DACH2: variants seen among roughly 807,000 people sequenced by gnomAD.
DACH2 encodes the protein dachshund homolog 2.
In DACH2, 17 loss-of-function variants were observed where a neutral mutation model predicts 35.8. The ratio of observed to expected loss-of-function variants is 0.48; its 90% CI spans 0.33 to 0.71. The LOEUF is 0.71. Among genes scored for constraint, DACH2 ranks in the 30% least tolerant of loss-of-function variants. The pLI is 0.02. For missense variants in DACH2, 469 were observed against 472.7 expected (o/e 0.99, Z 0.07); for synonymous variants, 195 against 177.3 (o/e 1.10, Z -0.79).
At chrX:86,388,474 C>T (rs971636505) in intron 2 of DACH2, among the ~76,000 whole-genome samples, 6 of 111,412 alleles carry the variant, frequency 5.4e-5, no homozygotes, top group South Asian at 3.8e-4. Flanking sequence ...GTATTCTGTA[C>T]GTATTCCCAG....
chrX:86,599,295 T>A (rs1453589241), intron 3 of DACH2, among the ~76,000 whole-genome samples: 1 of 111,073 alleles, frequency 9.0e-6, no homozygotes, highest in Non-Finnish European at 1.9e-5. Flanking sequence ...TCTCTCAGAA[T>A]GAAAAAAGAA....
chrX:86,667,374 GAGGA>G (rs199702492), intron 4 of DACH2, among the ~76,000 whole-genome samples: 135 of 80,069 alleles, frequency 1.7e-3, no homozygotes, highest in African/African-American at 5.8e-3. Flanking sequence ...GGAAGGGAGG[GAGGA>G]AGGAAGGAAG....
intron 3 of DACH2, among the ~76,000 whole-genome samples, chrX:86,591,541 A>AT (rs566345938): frequency 0.024 from 2,213 of 93,165 alleles, 54 homozygotes; most frequent in African/African-American, 0.052. Context: ...TTCTTTGGCT[A>AT]TTTTTTTTTT....
intron 2 of DACH2, among the ~76,000 whole-genome samples, chrX:86,473,032 T>G (rs956589031): frequency 4.5e-5 from 5 of 111,639 alleles, no homozygotes; most frequent in African/African-American, 1.6e-4. Flanking sequence ...TTAACTTCTG[T>G]GGGTACATAG....
chrX:86,798,281 T>C (rs2042258553), intron 7 of DACH2, among the ~76,000 whole-genome samples: 1 of 111,885 alleles, frequency 8.9e-6, no homozygotes, highest in Non-Finnish European at 1.9e-5. Context: ...CAAAACACAG[T>C]TGACAACCAC....
intron 7 of DACH2, chrX:86,742,756 A>G (rs988696223): frequency 7.4e-6 from 2 of 269,891 alleles, no homozygotes; most frequent in African/African-American, 5.6e-5. Context: ...TTTGATACAC[A>G]TATAATAATC....
chrX:86,624,332 T>A (rs189749480), intron 3 of DACH2, among the ~76,000 whole-genome samples: 19 of 111,925 alleles, frequency 1.7e-4, no homozygotes, highest in African/African-American at 6.2e-4. Flanking sequence ...ATTGCTTTTT[T>A]AAAAAATGTG....
intron 1 of DACH2, among the ~76,000 whole-genome samples, chrX:86,222,871 C>G (rs1374643329): frequency 9.1e-6 from 1 of 110,430 alleles, no homozygotes; most frequent in Non-Finnish European, 1.9e-5. Context: ...TTACCTCACC[C>G]TCATATAAAG....
At position 86,433,250 on chromosome X, in the gene DACH2, G is replaced by A. The variant is rs146678837; in HGVS notation, c.527+56388G>A. On this transcript the variant is annotated intron_variant, in intron 2 of 11. Coordinates refer to ENST00000373125, the MANE Select transcript of DACH2 (RefSeq NM_053281.3). ...AAATAAAATTGGGAGAAGAAATAAC[G>A]TCAACCCTCATCAATGAAATTATAG... Among the ~76,000 whole-genome samples the A allele has an allele frequency of 4.1e-3, 463 of 111,904 alleles. 3 individuals are homozygous for A. Among genetic ancestry groups the A allele is most frequent in the South Asian group, 0.011 (31 of 2,699 alleles).
chrX:86,239,381 G>A (rs1330194470), intron 1 of DACH2, among the ~76,000 whole-genome samples: 1 of 110,962 alleles, frequency 9.0e-6, no homozygotes, highest in Non-Finnish European at 1.9e-5. Flanking sequence ...ACCTGCCAAG[G>A]GACAATATGT....
At chrX:86,647,672 T>C (rs2040431470) in intron 3 of DACH2, among the ~76,000 whole-genome samples, 1 of 110,713 alleles carries the variant, frequency 9.0e-6, no homozygotes, top group South Asian at 3.8e-4. Context: ...GTAGGTCTTA[T>C]GTTACATGTT....
chrX:86,573,658 G>A (rs2039401139), intron 3 of DACH2, among the ~76,000 whole-genome samples: 1 of 111,431 alleles, frequency 9.0e-6, no homozygotes, highest in Non-Finnish European at 1.9e-5. Context: ...TTCCTCCATA[G>A]GTTTTATTGT....
In DACH2 at chrX:86,503,522, T is replaced by C. The variant is rs2038280585; in HGVS notation, c.528-10757T>C. On this transcript the variant is annotated intron_variant, in intron 2 of 11. Coordinates refer to ENST00000373125, the MANE Select transcript of DACH2 (RefSeq NM_053281.3). ...TTGTCTCGTTGTTAGGTAGGAACTA[T>C]ATATTCAAATTATCATTAGTAGTAT... Among the ~76,000 whole-genome samples the C allele has an allele frequency of 2.7e-5, 3 of 112,297 alleles. No individual in the cohort carries two copies. The South Asian group carries it at 1.1e-3, about 41-fold the overall frequency.
At chrX:86,774,451 A>C (rs2042013154) in intron 7 of DACH2, among the ~76,000 whole-genome samples, 1 of 112,323 alleles carries the variant, frequency 8.9e-6, no homozygotes, top group African/African-American at 3.2e-5. Context: ...ACTGCAGTGC[A>C]CATTTGGCTA....
intron 1 of DACH2, chrX:86,304,590 C>G (rs1248033911): frequency 6.2e-6 from 1 of 160,972 alleles, no homozygotes; most frequent in Non-Finnish European, 1.3e-5. Flanking sequence ...ATGTCCTTCT[C>G]TGACCATCAC....
At chrX:86,695,605 G>A (rs1569468893) in intron 5 of DACH2, among the ~76,000 whole-genome samples, 1 of 108,919 alleles carries the variant, frequency 9.2e-6, no homozygotes, top group East Asian at 2.9e-4. Flanking sequence ...CCGCCTCCTG[G>A]TTCAAGCAAT....
chrX:86,314,072 G>C (rs1279119182), intron 1 of DACH2, among the ~76,000 whole-genome samples: 1 of 110,364 alleles, frequency 9.1e-6, no homozygotes, highest in African/African-American at 3.3e-5. Context: ...CTGGTCTACT[G>C]CTTGGCTATT....
intron 2 of DACH2, among the ~76,000 whole-genome samples, chrX:86,508,197 T>A (rs960208108): frequency 1.8e-5 from 2 of 111,996 alleles, no homozygotes; most frequent in African/African-American, 6.5e-5. Flanking sequence ...TTACAAACAT[T>A]GTGTCTGACA....
chrX:86,704,408 C>T (rs756925688), intron 5 of DACH2, among the ~76,000 whole-genome samples: 5 of 110,175 alleles, frequency 4.5e-5, no homozygotes, highest in East Asian at 5.7e-4. Flanking sequence ...TGATTAAGAC[C>T]GAAAAAGCAA....
Sources: allele counts gnomAD v4.1 joint callset (sites outside exome capture counted in the v4.1 genomes callset), GRCh38; gene constraint gnomAD v4.1.1; transcripts MANE v1.5; gene names NCBI Gene and HGNC (gene_info 2026-07-23, HGNC 2026-07-21).